PDE10A: variants seen among roughly 807,000 people sequenced by gnomAD.
PDE10A encodes the protein phosphodiesterase 10A.
PDE10A carries 39 observed loss-of-function variants against 97.7 expected under a neutral mutation model. That is an observed-to-expected ratio of 0.40 (90% CI 0.31 to 0.52). The LOEUF (loss-of-function observed/expected upper bound fraction) is 0.52, where lower values mean the gene tolerates loss of function less well. Among genes scored for constraint, PDE10A ranks in the 20% least tolerant of loss-of-function variants. PDE10A has a pLI of 0.56. For synonymous variants in PDE10A, 371 were observed against 376.8 expected (o/e 0.98, Z 0.18); for missense variants, 731 against 1,047.8 (o/e 0.70, Z 4.17).
intron 1 of PDE10A, among the ~76,000 whole-genome samples, chr6:165,863,518 C>T (rs1194480230): frequency 6.6e-6 from 1 of 152,164 alleles, no homozygotes; most frequent in African/African-American, 2.4e-5. Flanking sequence ...GCAAAATATA[C>T]CAACCACCTA....
chr6:165,760,546 C>CA (rs1431585240), intron 1 of PDE10A, among the ~76,000 whole-genome samples: 1 of 152,154 alleles, frequency 6.6e-6, no homozygotes, highest in Non-Finnish European at 1.5e-5. Context: ...AGGTTTTCAA[C>CA]AAATGTTTGT....
intron 1 of PDE10A, among the ~76,000 whole-genome samples, chr6:165,782,576 C>T (rs1208944541): frequency 2.0e-5 from 3 of 152,192 alleles, no homozygotes; most frequent in Non-Finnish European, 2.9e-5. Flanking sequence ...ACATTGGACT[C>T]AATTATCCAA....
At chr6:165,620,426 C>A (rs1346610750) in intron 1 of PDE10A, among the ~76,000 whole-genome samples, 1 of 152,174 alleles carries the variant, frequency 6.6e-6, no homozygotes. Flanking sequence ...CAGCCTTGCA[C>A]TTAGAGAGGC....
In PDE10A at chr6:165,477,116, C is replaced by T. The variant is rs532524886; in HGVS notation, c.1023+5199G>A. ...AAATCCCCCCCAGCGGCATCATCTC[C>T]GACCAAGGCTCCTTCCTTCACTCAC... On this transcript the variant is annotated intron_variant, in intron 3 of 21. Coordinates refer to ENST00000539869, the MANE Select transcript of PDE10A (RefSeq NM_001385079.1). 3.5e-4 allele frequency among the ~76,000 whole-genome samples: 53 copies of T among 152,278 alleles called. 1 individual carries two copies. In the South Asian group the frequency reaches 8.9e-3, roughly 26 times the overall value.
intron 1 of PDE10A, among the ~76,000 whole-genome samples, chr6:165,936,802 C>A (rs1220596891): frequency 6.6e-6 from 1 of 152,164 alleles, no homozygotes; most frequent in Admixed American, 6.5e-5. Context: ...CCTCATTGTT[C>A]CCCAATATTC....
chr6:165,985,563 A>G (rs889502568), intron 1 of PDE10A, among the ~76,000 whole-genome samples: 1 of 152,202 alleles, frequency 6.6e-6, no homozygotes, highest in African/African-American at 2.4e-5. Context: ...GCAGAGGATG[A>G]AGATTTCACA....
chr6:165,527,900 G>A (rs1782546021), intron 2 of PDE10A, among the ~76,000 whole-genome samples: 1 of 152,188 alleles, frequency 6.6e-6, no homozygotes, highest in Non-Finnish European at 1.5e-5. Context: ...GTTCACAGAT[G>A]GTTCTGCACG....
intron 1 of PDE10A, among the ~76,000 whole-genome samples, chr6:165,633,263 A>C (rs1788717362): frequency 6.6e-6 from 1 of 152,152 alleles, no homozygotes; most frequent in Non-Finnish European, 1.5e-5. Flanking sequence ...GGAGAGGCTT[A>C]AGGCATCAAG....
intron 1 of PDE10A, among the ~76,000 whole-genome samples, chr6:165,691,591 G>GCACACACACACA (rs965998795): frequency 2.5e-4 from 13 of 51,660 alleles, no homozygotes; most frequent in East Asian, 1.7e-3. Context: ...GCACGCGCGC[G>GCACACACACACA]CACACACACA....
At chr6:165,597,915 G>A (rs539567519) in intron 1 of PDE10A, among the ~76,000 whole-genome samples, 2 of 152,304 alleles carry the variant, frequency 1.3e-5, no homozygotes, top group South Asian at 4.1e-4. Flanking sequence ...ATGGCAACCT[G>A]AGGTCAGCTG....
At chr6:165,924,646 G>C (rs1164190313) in intron 1 of PDE10A, among the ~76,000 whole-genome samples, 2 of 152,172 alleles carry the variant, frequency 1.3e-5, no homozygotes, top group Admixed American at 1.3e-4. Context: ...GAATACTAGT[G>C]GTGGGCCAGC....
chr6:165,954,432 C>T (rs889983878), intron 1 of PDE10A, among the ~76,000 whole-genome samples: 54 of 152,210 alleles, frequency 3.5e-4, no homozygotes, highest in African/African-American at 1.3e-3. Context: ...TGGTTCTAGA[C>T]ATTCACAGTT....
intron 13 of PDE10A, among the ~76,000 whole-genome samples, chr6:165,397,498 T>C (rs2128218745): frequency 6.6e-6 from 1 of 152,196 alleles, no homozygotes; most frequent in African/African-American, 2.4e-5. Flanking sequence ...TCATCTGAGG[T>C]CAGGAGTTCA....
chr6:165,977,215 T>C (rs1215802184), intron 1 of PDE10A, among the ~76,000 whole-genome samples: 1 of 152,138 alleles, frequency 6.6e-6, no homozygotes, highest in Non-Finnish European at 1.5e-5. Flanking sequence ...AGGTTGGAAA[T>C]CAAAATCACA....
At chr6:165,654,450 A>G (rs544303177) in intron 1 of PDE10A, among the ~76,000 whole-genome samples, 125 of 152,292 alleles carry the variant, frequency 8.2e-4, no homozygotes, top group African/African-American at 2.8e-3. Flanking sequence ...AGCTGGGGAA[A>G]GCACTGTGAA....
At chr6:165,853,960 C>T (rs1374849820) in intron 1 of PDE10A, among the ~76,000 whole-genome samples, 1 of 152,114 alleles carries the variant, frequency 6.6e-6, no homozygotes, top group East Asian at 1.9e-4. Flanking sequence ...CTGGGAGCCA[C>T]CACGGTGGCG....
chr6:165,953,959 T>C (rs1179844295), intron 1 of PDE10A, among the ~76,000 whole-genome samples: 1 of 152,244 alleles, frequency 6.6e-6, no homozygotes, highest in South Asian at 2.1e-4. Context: ...CTGATCTTTT[T>C]AATGTCTCCA....
intron 1 of PDE10A, among the ~76,000 whole-genome samples, chr6:165,728,143 T>C (rs1792343733): frequency 6.6e-6 from 1 of 152,210 alleles, no homozygotes; most frequent in Admixed American, 6.5e-5. Flanking sequence ...GCACAATATT[T>C]TCTGATGTCC....
At chr6:165,683,741 A>G (rs4709964) in intron 1 of PDE10A, among the ~76,000 whole-genome samples, 131,152 of 152,180 alleles carry the variant, frequency 0.86, 56,764 homozygotes, top group South Asian at 0.92. Flanking sequence ...TGGAGAGTGC[A>G]GCAGTGCAGG....
Sources: gnomAD v4.1 joint callset for allele counts (sites outside exome capture counted in the v4.1 genomes callset) on GRCh38, gnomAD v4.1.1 for gene constraint, MANE v1.5 for transcripts, NCBI Gene and HGNC (gene_info 2026-07-23, HGNC 2026-07-21) for gene names.